The following CLSTN1 variants were observed in gnomAD, a reference collection of about 807,000 sequenced individuals.
CLSTN1 encodes calsyntenin 1.
A neutral mutation model predicts 108.3 loss-of-function variants in CLSTN1; 28 were observed. The ratio of observed to expected loss-of-function variants is 0.26; its 90% CI spans 0.19 to 0.35. The LOEUF is 0.35. CLSTN1 is among the 10% of genes least tolerant of loss of function. The probability of loss-of-function intolerance (pLI) is 1.00; values close to 1 mark genes in which losing one functional copy is unlikely to be tolerated. For synonymous variants in CLSTN1, 524 were observed against 534.9 expected (o/e 0.98, Z 0.28); for missense variants, 1,157 against 1,302.6 (o/e 0.89, Z 1.72).
chr1:9,759,392 C>A (rs1299876887), intron 2 of CLSTN1, among the ~76,000 whole-genome samples: 1 of 152,188 alleles, frequency 6.6e-6, no homozygotes, highest in Non-Finnish European at 1.5e-5. Context: ...TCTCCCACCT[C>A]AGCCTCCCGA....
intron 1 of CLSTN1, among the ~76,000 whole-genome samples, chr1:9,790,523 G>T (rs997070107): frequency 2.6e-5 from 4 of 151,278 alleles, no homozygotes; most frequent in African/African-American, 9.7e-5. Flanking sequence ...TGTTTGATTT[G>T]ATTTTTGTTG....
intron 10 of CLSTN1, 93 bp from the exon 11 acceptor site, chr1:9,737,647 A>G: frequency 1.8e-6 from 2 of 1,082,680 alleles, no homozygotes; most frequent in East Asian, 2.4e-5. Flanking sequence ...GCAACCAACT[A>G]TAAAACATGA....
At chr1:9,756,334 A>C in intron 3 of CLSTN1, 147 bp downstream of exon 3, 1 of 651,410 alleles carries the variant, frequency 1.5e-6, no homozygotes, top group Admixed American at 2.8e-5. Context: ...ATTTCCATCA[A>C]TATACTTTAA....
In CLSTN1 at chr1:9,768,354, G is replaced by A. The variant is rs1225415692; in HGVS notation, c.214+4918C>T. Among the ~76,000 whole-genome samples, 49 of 146,668 alleles carry A rather than the reference G, an allele frequency of 3.3e-4. No individual in the cohort carries two copies. The East Asian group carries it at 5.8e-3, about 17-fold the overall frequency. On this transcript the variant is annotated intron_variant, in intron 2 of 18. Coordinates refer to ENST00000377298, the MANE Select transcript of CLSTN1 (RefSeq NM_001009566.3). ...GAGTTCTATGTTGGGCGGCACCATGGGGGCGGGATTCTGTGTTGGGCGGCA... is the reference window on the plus strand; with the variant it reads ...GAGTTCTATGTTGGGCGGCACCATGAGGGCGGGATTCTGTGTTGGGCGGCA...
intron 8 of CLSTN1, 24 bp from the exon 9 acceptor site, chr1:9,744,029 A>G: frequency 6.2e-7 from 1 of 1,606,432 alleles, no homozygotes; most frequent in South Asian, 1.1e-5. Context: ...TTCTATGGGT[A>G]AATTGCCAAC....
chr1:9,774,337 G>A (rs1331432573), intron 1 of CLSTN1, among the ~76,000 whole-genome samples: 4 of 152,074 alleles, frequency 2.6e-5, no homozygotes, highest in Admixed American at 2.6e-4. Context: ...AGGCTGACGA[G>A]GGCGGATCAC....
intron 1 of CLSTN1, among the ~76,000 whole-genome samples, chr1:9,776,012 G>A (rs1182953310): frequency 2.0e-5 from 3 of 147,666 alleles, no homozygotes; most frequent in Admixed American, 6.8e-5. Context: ...TTGCTCTGTC[G>A]CCCAGGCTGG....
intron 1 of CLSTN1, among the ~76,000 whole-genome samples, chr1:9,796,709 G>A (rs1654025959): frequency 6.6e-6 from 1 of 151,942 alleles, no homozygotes; most frequent in African/African-American, 2.4e-5. Flanking sequence ...AAGAAAGATG[G>A]GTGAATTATT....
At chr1:9,773,000 G>T (rs775408124) in intron 2 of CLSTN1, among the ~76,000 whole-genome samples, 23 of 152,276 alleles carry the variant, frequency 1.5e-4, no homozygotes, top group Non-Finnish European at 3.1e-4. Flanking sequence ...AGCCAGGGAT[G>T]CACTGGTCTA....
intron 5 of CLSTN1, chr1:9,750,197 C>T (rs774834359): frequency 1.2e-5 from 3 of 256,592 alleles, no homozygotes; most frequent in Non-Finnish European, 2.2e-5. Flanking sequence ...TAACTGTTTA[C>T]ATACATTCAG....
At chr1:9,733,843 A>T in intron 15 of CLSTN1, 129 bp downstream of exon 15, 1 of 970,932 alleles carries the variant, frequency 1.0e-6, no homozygotes, top group Non-Finnish European at 1.5e-6. Context: ...ATCCCAGCGA[A>T]CGTGCTCCTT....
At chr1:9,750,443 T>C (rs1651501223) in intron 5 of CLSTN1, among the ~76,000 whole-genome samples, 1 of 152,064 alleles carries the variant, frequency 6.6e-6, no homozygotes. Context: ...ATTATCTTTT[T>C]TTTTCTTTTT....
intron 1 of CLSTN1, among the ~76,000 whole-genome samples, chr1:9,816,011 A>C (rs1420467695): frequency 6.6e-6 from 1 of 152,206 alleles, no homozygotes; most frequent in Non-Finnish European, 1.5e-5. Context: ...TTGGGTATAC[A>C]CCCAAGAGAA....
intron 1 of CLSTN1, among the ~76,000 whole-genome samples, chr1:9,801,907 C>T (rs1467700460): frequency 6.6e-6 from 1 of 152,144 alleles, no homozygotes; most frequent in Non-Finnish European, 1.5e-5. Flanking sequence ...AAGAAAACTA[C>T]ACACCAATAT....
At chr1:9,741,637 C>T (rs1428779835) in intron 9 of CLSTN1, among the ~76,000 whole-genome samples, 5 of 152,166 alleles carry the variant, frequency 3.3e-5, no homozygotes, top group South Asian at 2.1e-4. Context: ...TTAGGCCGGG[C>T]GCAGTGGCTC....
intron 2 of CLSTN1, 97 bp from the exon 3 acceptor site, chr1:9,756,607 T>G (rs1353293930): frequency 2.8e-5 from 27 of 969,972 alleles, no homozygotes; most frequent in Non-Finnish European, 4.1e-5. Context: ...TATTACACAT[T>G]TCCACACCAA....
At chr1:9,741,068 C>A (rs78103608) in intron 10 of CLSTN1, 26 bp downstream of exon 10, 10 of 1,603,986 alleles carry the variant, frequency 6.2e-6, no homozygotes, top group South Asian at 1.1e-5. Context: ...ATTCTCGAGT[C>A]GAGGGCGGGG....
Position 9,816,452 on chromosome 1 carries a change from T to C in CLSTN1, c.91+7191A>G, listed in dbSNP as rs184827663. Among the ~76,000 whole-genome samples the C allele has an allele frequency of 2.0e-5, 3 of 152,182 alleles. No individual in the cohort carries two copies. In the East Asian group the frequency reaches 5.8e-4, roughly 29 times the overall value. On this transcript the variant is annotated intron_variant, in intron 1 of 18. Transcript: ENST00000377298. ...GATAGTGGTGATGGTTGTGCAACTT[T>C]GTAAATATACTAAAATCACTGAATT...
chr1:9,815,598 G>A (rs1288329204), intron 1 of CLSTN1, among the ~76,000 whole-genome samples: 1 of 152,166 alleles, frequency 6.6e-6, no homozygotes, highest in Non-Finnish European at 1.5e-5. Context: ...GTGGATACAG[G>A]ATGGTGCAGC....
Sources: gnomAD v4.1 joint callset for allele counts (sites outside exome capture counted in the v4.1 genomes callset) on GRCh38, gnomAD v4.1.1 for gene constraint, MANE v1.5 for transcripts, NCBI Gene and HGNC (gene_info 2026-07-23, HGNC 2026-07-21) for gene names.